Variants in SYN3 observed in about 807,000 individuals in gnomAD.
SYN3 encodes the protein synapsin-3.
Under a neutral mutation model 65.8 loss-of-function variants are expected in SYN3, and 35 were observed. The ratio of observed to expected loss-of-function variants is 0.53; its 90% CI spans 0.41 to 0.70. The LOEUF is 0.70. SYN3 is among the 30% of genes least tolerant of loss of function. The pLI is 0.00. For missense variants in SYN3, 680 were observed against 749.0 expected (o/e 0.91, Z 1.08); for synonymous variants, 270 against 292.9 (o/e 0.92, Z 0.80).
chr22:32,746,201 TCCA>T (rs1368187166), intron 6 of SYN3, among the ~76,000 whole-genome samples: 1 of 152,194 alleles, frequency 6.6e-6, no homozygotes, highest in African/African-American at 2.4e-5. Context: ...AAGGATCAGG[TCCA>T]CGGTTGCAGC....
intron 7 of SYN3, among the ~76,000 whole-genome samples, chr22:32,547,262 G>A (rs980140993): frequency 6.6e-6 from 1 of 152,092 alleles, no homozygotes; most frequent in African/African-American, 2.4e-5. Flanking sequence ...TGGGATTACA[G>A]GCATGAGTCA....
At chr22:32,768,335 C>T (rs113260025) in intron 6 of SYN3, among the ~76,000 whole-genome samples, 43 of 152,252 alleles carry the variant, frequency 2.8e-4, no homozygotes, top group African/African-American at 1.0e-3. Context: ...CATATTCGCC[C>T]CTTTCTCTGC....
chr22:32,725,437 G>A (rs906593196), intron 6 of SYN3, among the ~76,000 whole-genome samples: 13 of 152,208 alleles, frequency 8.5e-5, no homozygotes, highest in African/African-American at 3.1e-4. Context: ...AGATGCCTAT[G>A]TCCTAATTCC....
intron 6 of SYN3, among the ~76,000 whole-genome samples, chr22:32,615,799 G>A (rs2059510971): frequency 6.6e-6 from 1 of 152,240 alleles, no homozygotes; most frequent in African/African-American, 2.4e-5. Flanking sequence ...GAGGAGGGCT[G>A]TTTTGGGGCT....
chr22:33,009,597 A>G (rs905088090), intron 1 of SYN3, among the ~76,000 whole-genome samples: 2 of 152,092 alleles, frequency 1.3e-5, no homozygotes, highest in African/African-American at 4.8e-5. Context: ...GAGCAGAAGT[A>G]TGGCAGAATA....
chr22:33,047,708 A>AT lies in SYN3; in HGVS notation c.-163+10583_-163+10584insA, dbSNP rs1202943925. Among the ~76,000 whole-genome samples the AT allele has an allele frequency of 5.9e-4, 89 of 151,422 alleles. 1 individual carries two copies. The Middle Eastern group carries it at 0.014, about 23-fold the overall frequency. ...AGGTAAGATTGAAGAAAGAAAAAAA[A>AT]AATAATAAAAACACCTCTCTGTAAC... is the stretch of plus-strand genomic sequence containing the variant. On this transcript the variant is annotated intron_variant, in intron 1 of 13. Transcript: ENST00000358763.
At chr22:32,751,488 G>A (rs931406340) in intron 6 of SYN3, among the ~76,000 whole-genome samples, 3 of 152,178 alleles carry the variant, frequency 2.0e-5, no homozygotes, top group African/African-American at 7.2e-5. Context: ...GAGAGATCGG[G>A]GGACAGCTCT....
At chr22:32,601,632 G>A (rs2059285544) in intron 6 of SYN3, among the ~76,000 whole-genome samples, 1 of 151,786 alleles carries the variant, frequency 6.6e-6, no homozygotes, top group African/African-American at 2.4e-5. Flanking sequence ...TTAGAACCAC[G>A]TATGGGCTGG....
intron 7 of SYN3, among the ~76,000 whole-genome samples, chr22:32,558,165 T>C (rs1213018861): frequency 1.3e-5 from 2 of 152,186 alleles, no homozygotes; most frequent in African/African-American, 4.8e-5. Flanking sequence ...AGGATTAGAT[T>C]GGCCCCTCTC....
chr22:32,855,131 G>A (rs1027714894), intron 6 of SYN3, among the ~76,000 whole-genome samples: 1 of 152,222 alleles, frequency 6.6e-6, no homozygotes, highest in East Asian at 1.9e-4. Flanking sequence ...ACCACCAGCA[G>A]TCCAGGGCTT....
Position 33,047,817 on chromosome 22 carries a change from T to C in SYN3, c.-163+10475A>G, listed in dbSNP as rs1223465297. 3.6e-5 allele frequency among the ~76,000 whole-genome samples: 5 copies of C among 138,888 alleles called. No individual in the cohort carries two copies. In the East Asian group the frequency reaches 1.1e-3, roughly 30 times the overall value. 91.1% of individuals were successfully genotyped at this position (138,888 alleles called of 152,430 possible). On this transcript the variant is annotated intron_variant, in intron 1 of 13. Coordinates refer to ENST00000358763, the MANE Select transcript of SYN3 (RefSeq NM_003490.4). The stretch of plus-strand genomic sequence containing the variant: ...TGGCACTCTGAGGGTTCTCTCTTAA[T>C]CCTCTTATCCTTCAAGGTTAGACCT...
chr22:32,711,765 G>A (rs1004453204), intron 6 of SYN3, among the ~76,000 whole-genome samples: 2 of 152,118 alleles, frequency 1.3e-5, no homozygotes, highest in Admixed American at 6.5e-5. Flanking sequence ...TGGCCAAAAT[G>A]GACTTCTTAC....
intron 6 of SYN3, among the ~76,000 whole-genome samples, chr22:32,632,030 C>T (rs946431000): frequency 2.0e-5 from 3 of 152,114 alleles, no homozygotes; most frequent in Non-Finnish European, 2.9e-5. Context: ...TACTAGGCGC[C>T]GGAGGGATGC....
At chr22:32,619,610 CATGTT>C (rs760876107) in intron 6 of SYN3, among the ~76,000 whole-genome samples, 21 of 152,362 alleles carry the variant, frequency 1.4e-4, no homozygotes, top group African/African-American at 4.8e-4. Flanking sequence ...AGTCCCAACT[CATGTT>C]AGGTTGATTG....
At chr22:32,855,454 G>C (rs1451409776) in intron 6 of SYN3, among the ~76,000 whole-genome samples, 1 of 152,202 alleles carries the variant, frequency 6.6e-6, no homozygotes, top group Non-Finnish European at 1.5e-5. Context: ...TAATGGGTAA[G>C]AGTATGGACT....
At chr22:32,826,914 G>C (rs1000352416) in intron 6 of SYN3, among the ~76,000 whole-genome samples, 1 of 152,134 alleles carries the variant, frequency 6.6e-6, no homozygotes, top group Admixed American at 6.5e-5. Flanking sequence ...TTCCACTTGA[G>C]GGAACCTAGA....
At chr22:32,548,522 AC>A (rs2058366302) in intron 7 of SYN3, among the ~76,000 whole-genome samples, 3 of 151,896 alleles carry the variant, frequency 2.0e-5, no homozygotes, top group Admixed American at 2.0e-4. Flanking sequence ...ACAGGCGCCC[AC>A]CACCATGCCC....
intron 13 of SYN3, among the ~76,000 whole-genome samples, chr22:32,515,327 C>T (rs1019576813): frequency 1.3e-5 from 2 of 152,192 alleles, no homozygotes. Context: ...GTAGTGGCAG[C>T]AGCATTCTAA....
At chr22:32,570,807 T>C (rs1247727364) in intron 7 of SYN3, among the ~76,000 whole-genome samples, 1 of 152,118 alleles carries the variant, frequency 6.6e-6, no homozygotes, top group Non-Finnish European at 1.5e-5. Context: ...TGCTCAGCAC[T>C]GGGATGCTGA....
Sources: gnomAD v4.1 joint callset for allele counts (sites outside exome capture counted in the v4.1 genomes callset) on GRCh38, gnomAD v4.1.1 for gene constraint, MANE v1.5 for transcripts, NCBI Gene and HGNC (gene_info 2026-07-23, HGNC 2026-07-21) for gene names.